Variants in SH3RF1 observed in about 807,000 individuals in gnomAD.
The protein encoded by SH3RF1 is SH3 domain containing ring finger 1.
A neutral mutation model predicts 74.0 loss-of-function variants in SH3RF1; 32 were observed. The ratio of observed to expected loss-of-function variants is 0.43; its 90% CI spans 0.33 to 0.58. SH3RF1 has a LOEUF of 0.58. SH3RF1 is among the 20% of genes least tolerant of loss of function. The pLI, the probability that SH3RF1 is intolerant of heterozygous loss-of-function variation, is 0.05. For synonymous variants in SH3RF1, 396 were observed against 439.6 expected, an observed-to-expected ratio of 0.90 and a Z score of 1.24; for missense variants, 954 against 1,130.9, an observed-to-expected ratio of 0.84 and a Z score of 2.24.
intron 6 of SH3RF1, among the ~76,000 whole-genome samples, chr4:169,125,409 C>A (rs944665818): frequency 5.3e-5 from 8 of 152,194 alleles, no homozygotes; most frequent in Admixed American, 4.6e-4. Flanking sequence ...GCACTCTCCC[C>A]TCTGCTTGCC....
intron 2 of SH3RF1, among the ~76,000 whole-genome samples, chr4:169,228,499 G>A (rs559935227): frequency 6.6e-6 from 1 of 152,258 alleles, no homozygotes; most frequent in African/African-American, 2.4e-5. Flanking sequence ...TCAACAGGAG[G>A]TTGAGTTCCT....
chr4:169,161,957 A>C (rs376306884), intron 2 of SH3RF1, among the ~76,000 whole-genome samples: 8 of 152,280 alleles, frequency 5.3e-5, no homozygotes, highest in East Asian at 3.9e-4. Flanking sequence ...AGACAGGCGG[A>C]TCACTTAAGT....
At chr4:169,196,544 T>G (rs1313196015) in intron 2 of SH3RF1, among the ~76,000 whole-genome samples, 1 of 152,224 alleles carries the variant, frequency 6.6e-6, no homozygotes, top group Non-Finnish European at 1.5e-5. Context: ...AATTTAAACT[T>G]GTTCCCGCCA....
intron 7 of SH3RF1, among the ~76,000 whole-genome samples, chr4:169,121,226 T>C (rs1029321722): frequency 6.6e-6 from 1 of 152,234 alleles, no homozygotes; most frequent in Non-Finnish European, 1.5e-5. Flanking sequence ...GTATGGAAGT[T>C]ACTATCCCAC....
At chr4:169,246,548 G>A (rs770085298) in intron 2 of SH3RF1, among the ~76,000 whole-genome samples, 9 of 152,232 alleles carry the variant, frequency 5.9e-5, no homozygotes, top group Admixed American at 2.0e-4. Flanking sequence ...GCCTGAGGGT[G>A]TGACTGTCTA....
intron 10 of SH3RF1, among the ~76,000 whole-genome samples, chr4:169,110,401 GA>G: frequency 6.6e-6 from 1 of 151,930 alleles, no homozygotes; most frequent in East Asian, 1.9e-4. Context: ...GATCAGTAGA[GA>G]CTTCAAGAAA....
At chr4:169,180,786 A>G (rs974881102) in intron 2 of SH3RF1, among the ~76,000 whole-genome samples, 2 of 152,190 alleles carry the variant, frequency 1.3e-5, no homozygotes, top group African/African-American at 4.8e-5. Context: ...ATAAACTTCA[A>G]TATAAACAAC....
intron 2 of SH3RF1, among the ~76,000 whole-genome samples, chr4:169,258,122 C>T (rs1450833324): frequency 6.6e-6 from 1 of 152,186 alleles, no homozygotes; most frequent in Non-Finnish European, 1.5e-5. Context: ...AGAAAAGCCT[C>T]ATTTTATAAA....
chr4:169,237,758 G>T (rs1479323979), intron 2 of SH3RF1, among the ~76,000 whole-genome samples: 1 of 152,094 alleles, frequency 6.6e-6, no homozygotes, highest in Non-Finnish European at 1.5e-5. Context: ...TAAAGAATTA[G>T]TAATAAGACT....
chr4:169,121,788 G>T (rs1733439011), intron 7 of SH3RF1, among the ~76,000 whole-genome samples: 1 of 152,158 alleles, frequency 6.6e-6, no homozygotes, highest in African/African-American at 2.4e-5. Flanking sequence ...TATGATTTGT[G>T]AAGAATACCT....
rs965365805 is a variant in SH3RF1 at position 169,095,596 on chromosome 4, T to C, written c.*923A>G. 1.3e-5 allele frequency: 2 copies of C among 152,658 alleles called. No individual in the cohort carries two copies. Among genetic ancestry groups the C allele is most frequent in the African/African-American group, 4.8e-5 (2 of 41,456 alleles). The allele number at this position is 152,658 out of a possible 1,614,324, so 9.5% of individuals were successfully genotyped here. A position where few individuals can be genotyped will look rare whatever the true frequency, so the allele number is the denominator to read the frequency against. On this transcript the variant is annotated 3_prime_UTR_variant, in exon 12 of 12. Coordinates refer to ENST00000284637, the MANE Select transcript of SH3RF1 (RefSeq NM_020870.4). ...TCTCACAAATGTTTTACTTGTGTCC[T>C]GGGCATGCAGGTCAGTTGGGGTAAA...
chr4:169,241,216 C>T (rs1417206839), intron 2 of SH3RF1, among the ~76,000 whole-genome samples: 3 of 152,072 alleles, frequency 2.0e-5, no homozygotes, highest in Non-Finnish European at 2.9e-5. Context: ...GGCGACAGAG[C>T]GAGACTCCGT....
rs200557362 is a variant in SH3RF1, at chr4:169,144,934, CA to C, written c.766-8315del. Among the ~76,000 whole-genome samples the C allele has an allele frequency of 1.6e-4, 24 of 152,146 alleles. No individual in the cohort carries two copies. The East Asian group carries it at 4.6e-3, about 29-fold the overall frequency. The stretch of plus-strand genomic sequence containing the variant: ...AAAATAGTAGGGGTAAGAGGAAAAG[CA>C]AAAGGCCCTCAGAATCTCAGAATCC... On this transcript the variant is annotated intron_variant, in intron 4 of 11. Coordinates refer to ENST00000284637, the MANE Select transcript of SH3RF1 (RefSeq NM_020870.4).
chr4:169,154,732 G>A (rs1425527574), intron 4 of SH3RF1, among the ~76,000 whole-genome samples: 1 of 152,136 alleles, frequency 6.6e-6, no homozygotes, highest in East Asian at 1.9e-4. Flanking sequence ...ATGGTTGTCT[G>A]GGCCACGCTT....
chr4:169,267,612 G>A (rs1211119642), intron 2 of SH3RF1, among the ~76,000 whole-genome samples: 1 of 152,170 alleles, frequency 6.6e-6, no homozygotes, highest in Non-Finnish European at 1.5e-5. Flanking sequence ...CAGCCTTAAT[G>A]ATGAAACTGT....
chr4:169,190,114 T>C (rs1734675312), intron 2 of SH3RF1, among the ~76,000 whole-genome samples: 1 of 151,898 alleles, frequency 6.6e-6, no homozygotes, highest in Non-Finnish European at 1.5e-5. Context: ...AACGCCTACA[T>C]CAAAAAGTCT....
At chr4:169,214,256 C>T (rs1730426023) in intron 2 of SH3RF1, among the ~76,000 whole-genome samples, 1 of 152,184 alleles carries the variant, frequency 6.6e-6, no homozygotes, top group Non-Finnish European at 1.5e-5. Flanking sequence ...TGCTTCTGCT[C>T]TTGCCATGTG....
chr4:169,228,130 G>T (rs1186652494), intron 2 of SH3RF1, among the ~76,000 whole-genome samples: 21 of 152,104 alleles, frequency 1.4e-4, no homozygotes, highest in Non-Finnish European at 3.1e-4. Context: ...TATATATTAA[G>T]TACATATTCT....
chr4:169,173,652 A>C (rs770798700), intron 2 of SH3RF1, among the ~76,000 whole-genome samples: 9 of 152,250 alleles, frequency 5.9e-5, no homozygotes, highest in Admixed American at 3.3e-4. Flanking sequence ...AGCTCTGGAG[A>C]AAACAATAAA....
Sources: gnomAD v4.1 joint callset for allele counts (sites outside exome capture counted in the v4.1 genomes callset) on GRCh38, gnomAD v4.1.1 for gene constraint, MANE v1.5 for transcripts, NCBI Gene and HGNC (gene_info 2026-07-23, HGNC 2026-07-21) for gene names.